The following STK32B variants were observed in gnomAD, a reference collection of about 807,000 sequenced individuals.
The protein encoded by STK32B is serine/threonine kinase 32B, also known as serine/threonine-protein kinase 32B.
Under a neutral mutation model 52.6 loss-of-function variants are expected in STK32B, and 43 were observed. The ratio of observed to expected loss-of-function variants is 0.82; its 90% CI spans 0.64 to 1.05. The LOEUF (loss-of-function observed/expected upper bound fraction) is 1.05. STK32B is among the 50% of genes least tolerant of loss of function. STK32B has a pLI of 0.00. For missense variants in STK32B, 621 were observed against 534.6 expected, an observed-to-expected ratio of 1.16 and a Z score of -1.59; for synonymous variants, 238 against 204.3, an observed-to-expected ratio of 1.17 and a Z score of -1.41.
Position 5,159,575 on chromosome 4 carries a change from GAAT to G in STK32B, c.109-8722_109-8720del, listed in dbSNP as rs1312727476. ...TGAATATATATGAATGAATATATATGAATATATATATGAATATATATGAATATA... is the reference window on the plus strand; with the variant it reads ...TGAATATATATGAATGAATATATATGATATATATGAATATATATGAATATA... On this transcript the variant is annotated intron_variant, in intron 2 of 11. Coordinates refer to ENST00000282908, the MANE Select transcript of STK32B (RefSeq NM_018401.3). 4.7e-4 allele frequency among the ~76,000 whole-genome samples: 24 copies of G among 50,610 alleles called. 3 individuals carry two copies. Among genetic ancestry groups the G allele is most frequent in the African/African-American group, 1.2e-3 (5 of 4,306 alleles). 33.2% of individuals were successfully genotyped at this position (50,610 alleles called of 152,430 possible). A position where few individuals can be genotyped will look rare whatever the true frequency, so the allele number is the denominator to read the frequency against.
At chr4:5,257,772 G>A (rs1726424760) in intron 3 of STK32B, among the ~76,000 whole-genome samples, 1 of 152,156 alleles carries the variant, frequency 6.6e-6, no homozygotes, top group Non-Finnish European at 1.5e-5. Context: ...GCAAAACGCT[G>A]TCTTTACTAA....
At chr4:5,271,714 C>A in intron 3 of STK32B, among the ~76,000 whole-genome samples, 1 of 146,010 alleles carries the variant, frequency 6.8e-6, no homozygotes. Flanking sequence ...TGAAGAGGTC[C>A]TTCACATCCC....
At chr4:5,431,449 C>T (rs757558125) in intron 6 of STK32B, among the ~76,000 whole-genome samples, 4 of 152,050 alleles carry the variant, frequency 2.6e-5, no homozygotes, top group Non-Finnish European at 4.4e-5. Context: ...GTAAAATGCA[C>T]TGATTCTAAT....
At chr4:5,203,237 G>A (rs1722294115) in intron 3 of STK32B, among the ~76,000 whole-genome samples, 1 of 152,168 alleles carries the variant, frequency 6.6e-6, no homozygotes, top group Admixed American at 6.5e-5. Context: ...TTTCTCAAAT[G>A]CACCTTTTTA....
intron 4 of STK32B, among the ~76,000 whole-genome samples, chr4:5,385,906 C>A (rs1000245750): frequency 5.5e-5 from 8 of 145,604 alleles, no homozygotes; most frequent in African/African-American, 1.8e-4. Flanking sequence ...CCTAGCTATA[C>A]CCACATTCCC....
At chr4:5,037,650 C>G in the STK32B span, among the ~76,000 whole-genome samples, 126 of 152,222 alleles carry the variant, frequency 8.3e-4, no homozygotes, top group African/African-American at 3.0e-3. Flanking sequence ...TGAACTTCCC[C>G]AAAGCAAACC....
intron 6 of STK32B, chr4:5,435,908 C>T (rs997370952): frequency 4.6e-5 from 7 of 152,304 alleles, no homozygotes; most frequent in Admixed American, 3.3e-4. Context: ...TCCACTGTAC[C>T]TGTGAAGAGC....
At chr4:5,179,773 C>G (rs1018544271) in intron 3 of STK32B, among the ~76,000 whole-genome samples, 6 of 152,210 alleles carry the variant, frequency 3.9e-5, no homozygotes, top group African/African-American at 1.4e-4. Context: ...AGGGAATTGG[C>G]TTTTATAACT....
intron 6 of STK32B, among the ~76,000 whole-genome samples, chr4:5,446,316 A>T (rs1715416202): frequency 1.3e-5 from 2 of 152,216 alleles, no homozygotes; most frequent in Admixed American, 6.5e-5. Context: ...CTGTAATCCC[A>T]GCACTTTGGG....
At chr4:5,032,359 G>C in the STK32B span, among the ~76,000 whole-genome samples, 1 of 151,392 alleles carries the variant, frequency 6.6e-6, no homozygotes, top group Admixed American at 6.6e-5. Context: ...TGTAGTCCCA[G>C]CTACTCAGGA....
intron 4 of STK32B, among the ~76,000 whole-genome samples, chr4:5,360,330 C>T (rs572942146): frequency 1.3e-5 from 2 of 152,234 alleles, no homozygotes; most frequent in South Asian, 4.2e-4. Flanking sequence ...CTTCAAAGTA[C>T]TCCATGCCCA....
At chr4:5,303,917 C>T (rs188233581) in intron 3 of STK32B, among the ~76,000 whole-genome samples, 1 of 152,160 alleles carries the variant, frequency 6.6e-6, no homozygotes, top group East Asian at 1.9e-4. Flanking sequence ...TATCCCAGTA[C>T]CATTTGTTGA....
At chr4:5,182,201 T>A (rs1156485223) in intron 3 of STK32B, among the ~76,000 whole-genome samples, 1 of 152,214 alleles carries the variant, frequency 6.6e-6, no homozygotes, top group African/African-American at 2.4e-5. Flanking sequence ...TAATTCTAGT[T>A]CTCTTGCTAC....
intron 3 of STK32B, among the ~76,000 whole-genome samples, chr4:5,246,965 A>G (rs1373440961): frequency 6.6e-6 from 1 of 152,162 alleles, no homozygotes; most frequent in African/African-American, 2.4e-5. Flanking sequence ...CGGCTGTATA[A>G]GGTGCCGGTC....
intron 3 of STK32B, among the ~76,000 whole-genome samples, chr4:5,220,246 C>A (rs1041939705): frequency 6.6e-6 from 1 of 152,200 alleles, no homozygotes; most frequent in African/African-American, 2.4e-5. Context: ...TTTATCCATC[C>A]AGCAATCTCT....
chr4:5,440,968 G>A (rs1212362288), intron 6 of STK32B, among the ~76,000 whole-genome samples: 1 of 150,010 alleles, frequency 6.7e-6, no homozygotes, highest in African/African-American at 2.5e-5. Flanking sequence ...CTTGATCATG[G>A]TGGATAAGCT....
chr4:5,365,716 T>C (rs1016913189), intron 4 of STK32B, among the ~76,000 whole-genome samples: 4 of 152,190 alleles, frequency 2.6e-5, no homozygotes, highest in Admixed American at 1.3e-4. Context: ...CATTTTCCCG[T>C]GGAGCATTGA....
chr4:5,431,498 C>T (rs1713576996), intron 6 of STK32B, among the ~76,000 whole-genome samples: 2 of 117,998 alleles, frequency 1.7e-5, no homozygotes. Flanking sequence ...TCCATGAAAA[C>T]TTCCAAAAGT....
chr4:5,446,900 C>T (rs1193836726), intron 7 of STK32B, 124 bp downstream of exon 7: 2 of 875,792 alleles, frequency 2.3e-6, no homozygotes, highest in Admixed American at 2.2e-5. Flanking sequence ...TCACTGCCCC[C>T]CAGGTTTCAG....
Sources: gnomAD v4.1 joint callset for allele counts (sites outside exome capture counted in the v4.1 genomes callset) on GRCh38, gnomAD v4.1.1 for gene constraint, MANE v1.5 for transcripts, NCBI Gene and HGNC (gene_info 2026-07-23, HGNC 2026-07-21) for gene names.